AOAH: variants seen among roughly 807,000 people sequenced by gnomAD.
AOAH encodes the protein acyloxyacyl hydrolase (neutrophil).
AOAH carries 64 observed loss-of-function variants against 92.2 expected under a neutral mutation model. That is an observed-to-expected ratio of 0.69 (90% CI 0.57 to 0.86). AOAH has a LOEUF of 0.86. AOAH is among the 40% of genes least tolerant of loss of function. The pLI is 0.00. For synonymous variants in AOAH, 263 were observed against 254.5 expected, an observed-to-expected ratio of 1.03 and a Z score of -0.32; for missense variants, 656 against 694.6, an observed-to-expected ratio of 0.94 and a Z score of 0.62.
chr7:36,671,081 T>G (rs1320355747), intron 3 of AOAH, among the ~76,000 whole-genome samples: 1 of 152,216 alleles, frequency 6.6e-6, no homozygotes, highest in African/African-American at 2.4e-5. Context: ...GCTGATCTGG[T>G]TCCCTGATCT....
chr7:36,517,597 C>CTTTTTTTTTTT (rs70977159), intron 20 of AOAH, among the ~76,000 whole-genome samples: 1 of 89,578 alleles, frequency 1.1e-5, no homozygotes, highest in African/African-American at 4.5e-5. Context: ...GACTTTATAT[C>CTTTTTTTTTTT]TTTTTTTTTT....
intron 7 of AOAH, among the ~76,000 whole-genome samples, chr7:36,622,877 C>G: frequency 6.6e-6 from 1 of 152,018 alleles, no homozygotes; most frequent in South Asian, 2.1e-4. Flanking sequence ...GAAATTCTGA[C>G]TTTACTAAAA....
At chr7:36,594,524 G>T in intron 11 of AOAH, 94 bp from the exon 12 acceptor site, 1 of 1,036,924 alleles carries the variant, frequency 9.6e-7, no homozygotes, top group Non-Finnish European at 1.5e-6. Flanking sequence ...CTCTCTGTGT[G>T]TCTGTTTCCC....
At chr7:36,554,342 T>C (rs936574847) in intron 13 of AOAH, among the ~76,000 whole-genome samples, 1 of 152,258 alleles carries the variant, frequency 6.6e-6, no homozygotes, top group African/African-American at 2.4e-5. Context: ...CATTGATCTA[T>C]ATCTCTGTTT....
intron 11 of AOAH, among the ~76,000 whole-genome samples, chr7:36,605,317 A>AT (rs1790918953): frequency 6.6e-6 from 1 of 152,230 alleles, no homozygotes; most frequent in African/African-American, 2.4e-5. Context: ...AAATGATGGA[A>AT]TTTTCTCTTT....
In AOAH at chr7:36,593,739, C is replaced by A. The variant is rs575048066; in HGVS notation, c.938+600G>T. Among the ~76,000 whole-genome samples the A allele has an allele frequency of 9.2e-5, 14 of 152,328 alleles. 1 individual carries two copies. The South Asian group carries it at 1.0e-3, about 11-fold the overall frequency. On this transcript the variant is annotated intron_variant, in intron 12 of 20. Coordinates refer to ENST00000617537, the MANE Select transcript of AOAH (RefSeq NM_001637.4). The stretch of plus-strand genomic sequence containing the variant: ...TTACCTTCCAGAGATCAGACAAGAT[C>A]TGGTGTGTTCAGGGTGGGATGGCCA...
At chr7:36,650,756 T>C (rs1794523780) in intron 4 of AOAH, among the ~76,000 whole-genome samples, 1 of 152,242 alleles carries the variant, frequency 6.6e-6, no homozygotes. Context: ...GTTCTCATCC[T>C]ATTTTTTACT....
At chr7:36,586,505 C>G (rs1377627815) in intron 12 of AOAH, among the ~76,000 whole-genome samples, 2 of 152,174 alleles carry the variant, frequency 1.3e-5, no homozygotes, top group East Asian at 1.9e-4. Context: ...AGTTTTCTTT[C>G]TACTTTCAGG....
chr7:36,615,881 C>CA (rs573512103), intron 11 of AOAH, among the ~76,000 whole-genome samples: 5 of 146,286 alleles, frequency 3.4e-5, no homozygotes, highest in South Asian at 4.3e-4. Flanking sequence ...TGGCCCTCTT[C>CA]TTTTTTTTTT....
At chr7:36,523,627 C>CTTTTTTTT (rs549876326) in intron 19 of AOAH, among the ~76,000 whole-genome samples, 1 of 39,670 alleles carries the variant, frequency 2.5e-5, no homozygotes, top group African/African-American at 7.8e-5. Context: ...CCTGTTTTGC[C>CTTTTTTTT]TGTTTTTTTT....
At chr7:36,659,452 C>T (rs1413592919) in intron 3 of AOAH, among the ~76,000 whole-genome samples, 187 bp from the exon 4 acceptor site, 1 of 152,204 alleles carries the variant, frequency 6.6e-6, no homozygotes, top group Non-Finnish European at 1.5e-5. Context: ...GTTGCTCTCT[C>T]CTGCATTTAG....
At chr7:36,520,856 A>G (rs772170204) in intron 20 of AOAH, among the ~76,000 whole-genome samples, 2 of 152,366 alleles carry the variant, frequency 1.3e-5, no homozygotes, top group Middle Eastern at 6.8e-3. Context: ...ATACACAGGA[A>G]GGTTAGAAAT....
intron 12 of AOAH, 100 bp downstream of exon 12, chr7:36,594,239 C>T (rs1375171175): frequency 3.3e-6 from 3 of 917,350 alleles, no homozygotes; most frequent in Non-Finnish European, 5.4e-6. Context: ...GAAGCAGTTC[C>T]TAATAATTCG....
chr7:36,604,158 C>T (rs1249814828), intron 11 of AOAH, among the ~76,000 whole-genome samples: 1 of 152,172 alleles, frequency 6.6e-6, no homozygotes, highest in African/African-American at 2.4e-5. Flanking sequence ...GACTTAATCC[C>T]TTCTCATCGG....
At chr7:36,523,629 GTTTTTTTTT>G (rs57628897) in intron 19 of AOAH, among the ~76,000 whole-genome samples, 12 of 100,138 alleles carry the variant, frequency 1.2e-4, no homozygotes, top group East Asian at 6.5e-4. Context: ...TGTTTTGCCT[GTTTTTTTTT>G]TTTTTTTTTT....
At chr7:36,688,154 G>A (rs1404446865) in intron 1 of AOAH, among the ~76,000 whole-genome samples, 4 of 152,138 alleles carry the variant, frequency 2.6e-5, no homozygotes, top group African/African-American at 4.8e-5. Flanking sequence ...CATGGCACTC[G>A]AGGATTTCAT....
At chr7:36,713,465 G>C (rs969964807) in intron 1 of AOAH, among the ~76,000 whole-genome samples, 8 of 152,216 alleles carry the variant, frequency 5.3e-5, no homozygotes, top group East Asian at 1.9e-4. Flanking sequence ...ACTCAGCTCT[G>C]CACCAAGCAG....
chr7:36,590,438 A>G (rs1789664750), intron 12 of AOAH, among the ~76,000 whole-genome samples: 1 of 152,198 alleles, frequency 6.6e-6, no homozygotes, highest in Non-Finnish European at 1.5e-5. Context: ...AGTTTTTGTT[A>G]ACATCAACTC....
At chr7:36,515,724 CA>C (rs1783634147) in intron 20 of AOAH, among the ~76,000 whole-genome samples, 1 of 105,254 alleles carries the variant, frequency 9.5e-6, no homozygotes, top group Admixed American at 9.8e-5. Flanking sequence ...CACCACACAC[CA>C]ACACCACACA....
Sources: allele counts gnomAD v4.1 joint callset (sites outside exome capture counted in the v4.1 genomes callset), GRCh38; gene constraint gnomAD v4.1.1; transcripts MANE v1.5; gene names NCBI Gene and HGNC (gene_info 2026-07-23, HGNC 2026-07-21).